The following MAGI1 variants were observed in gnomAD, a reference collection of about 807,000 sequenced individuals.
MAGI1 encodes membrane-associated guanylate kinase, WW and PDZ domain-containing protein 1.
MAGI1 carries 58 observed loss-of-function variants against 139.9 expected under a neutral mutation model. The ratio of observed to expected loss-of-function variants is 0.41; its 90% CI spans 0.34 to 0.52. The LOEUF (loss-of-function observed/expected upper bound fraction) is 0.52, where lower values mean the gene tolerates loss of function less well. Among genes scored for constraint, MAGI1 ranks in the 20% least tolerant of loss-of-function variants. MAGI1 has a pLI of 0.12. For synonymous variants in MAGI1, 812 were observed against 737.9 expected (o/e 1.10, Z -1.63); for missense variants, 1,874 against 1,901.6 (o/e 0.99, Z 0.27).
intron 1 of MAGI1, among the ~76,000 whole-genome samples, chr3:65,745,693 T>C (rs758108901): frequency 3.0e-4 from 45 of 152,220 alleles, no homozygotes; most frequent in Non-Finnish European, 5.1e-4. Context: ...CTTTTTCTCA[T>C]TGCAAGGTGC....
intron 5 of MAGI1, among the ~76,000 whole-genome samples, chr3:65,455,607 C>T (rs145125559): frequency 1.3e-5 from 2 of 151,908 alleles, no homozygotes; most frequent in African/African-American, 2.4e-5. Context: ...TGTGGTGGTG[C>T]GCACCTGTGG....
chr3:65,583,216 T>C (rs540399489), intron 2 of MAGI1, among the ~76,000 whole-genome samples: 19 of 152,310 alleles, frequency 1.2e-4, no homozygotes, highest in African/African-American at 4.6e-4. Context: ...TGAGTCCAGA[T>C]GTCAAGCACC....
At chr3:65,803,331 T>C (rs1024090068) in intron 1 of MAGI1, among the ~76,000 whole-genome samples, 3 of 152,084 alleles carry the variant, frequency 2.0e-5, no homozygotes, top group Non-Finnish European at 4.4e-5. Flanking sequence ...ATATCAAAGG[T>C]TTCTAATTTT....
At chr3:65,848,014 C>A (rs1265722642) in intron 1 of MAGI1, among the ~76,000 whole-genome samples, 1 of 152,164 alleles carries the variant, frequency 6.6e-6, no homozygotes, top group Non-Finnish European at 1.5e-5. Context: ...TTTGGTTGAT[C>A]TTGGATAGCT....
At chr3:65,599,131 A>G (rs1309397850) in intron 2 of MAGI1, among the ~76,000 whole-genome samples, 1 of 152,162 alleles carries the variant, frequency 6.6e-6, no homozygotes, top group Admixed American at 6.5e-5. Context: ...CCAAGAAAAT[A>G]GGGCAAGAGG....
intron 1 of MAGI1, among the ~76,000 whole-genome samples, chr3:65,633,886 T>G (rs1258875150): frequency 6.6e-6 from 1 of 152,176 alleles, no homozygotes; most frequent in African/African-American, 2.4e-5. Context: ...GTCTCTACAT[T>G]CAGAATGCTG....
intron 1 of MAGI1, among the ~76,000 whole-genome samples, chr3:66,003,545 C>T (rs2066864173): frequency 1.3e-5 from 2 of 152,174 alleles, no homozygotes; most frequent in Non-Finnish European, 2.9e-5. Context: ...GCAACCTCCA[C>T]CTCCCAGGTT....
At chr3:65,359,771 C>T in intron 22 of MAGI1, 1 of 985,606 alleles carries the variant, frequency 1.0e-6, no homozygotes, top group South Asian at 4.7e-5. Flanking sequence ...TTATTTTTAG[C>T]CCAAAGAACA....
chr3:65,567,165 T>C (rs750310581), intron 2 of MAGI1, among the ~76,000 whole-genome samples: 3 of 152,106 alleles, frequency 2.0e-5, no homozygotes, highest in Non-Finnish European at 4.4e-5. Context: ...ACCTCTAGTA[T>C]GAGATAGCTA....
At chr3:65,699,794 G>A (rs2089472290) in intron 1 of MAGI1, among the ~76,000 whole-genome samples, 1 of 149,320 alleles carries the variant, frequency 6.7e-6, no homozygotes, top group African/African-American at 2.5e-5. Context: ...GAGTTAGTGG[G>A]TGCAACACAC....
chr3:65,647,838 G>A (rs778065182), intron 1 of MAGI1, among the ~76,000 whole-genome samples: 10 of 152,222 alleles, frequency 6.6e-5, no homozygotes, highest in South Asian at 2.1e-4. Context: ...TACATCTGAC[G>A]TAATAATTCA....
chr3:65,994,035 A>G (rs1390047516), intron 1 of MAGI1, among the ~76,000 whole-genome samples: 4 of 152,148 alleles, frequency 2.6e-5, no homozygotes, highest in Admixed American at 2.6e-4. Context: ...GCACTTTGGG[A>G]GGCAGGGATG....
rs1485631557 is a variant in MAGI1 at position 65,682,816 on chromosome 3, CAG to C, written c.314-60730_314-60729del. ...AAAAAGAACAGTAACAGGCAGAACA[CAG>C]AGGATTTTCAGGGCAGTGAAAATAC... On this transcript the variant is annotated intron_variant, in intron 1 of 22. Coordinates refer to ENST00000402939, the MANE Select transcript of MAGI1 (RefSeq NM_001033057.2). Among the ~76,000 whole-genome samples, 4 of 152,130 alleles carry C rather than the reference CAG, an allele frequency of 2.6e-5. No individual in the cohort carries two copies. The East Asian group carries it at 7.7e-4, about 29-fold the overall frequency.
At chr3:65,516,587 C>T (rs1404244471) in intron 2 of MAGI1, among the ~76,000 whole-genome samples, 2 of 152,144 alleles carry the variant, frequency 1.3e-5, no homozygotes, top group African/African-American at 2.4e-5. Flanking sequence ...AAAGCACTTA[C>T]TACATGTCAG....
chr3:65,846,642 C>A (rs1385955614), intron 1 of MAGI1, among the ~76,000 whole-genome samples: 3 of 152,260 alleles, frequency 2.0e-5, no homozygotes, highest in Non-Finnish European at 2.9e-5. Context: ...AAAATATGTG[C>A]TTTCGCCTTG....
At chr3:65,753,172 T>C (rs2036288643) in intron 1 of MAGI1, among the ~76,000 whole-genome samples, 1 of 152,128 alleles carries the variant, frequency 6.6e-6, no homozygotes, top group East Asian at 1.9e-4. Flanking sequence ...AAGATCTGTA[T>C]ATCCTGAACT....
At chr3:65,537,106 A>T (rs55978894) in intron 2 of MAGI1, among the ~76,000 whole-genome samples, 3,285 of 152,162 alleles carry the variant, frequency 0.022, 77 homozygotes, top group Admixed American at 0.061. Context: ...ATATATCCCA[A>T]CCTACGCTGT....
At chr3:65,923,709 G>T (rs148369315) in intron 1 of MAGI1, among the ~76,000 whole-genome samples, 80 of 152,276 alleles carry the variant, frequency 5.3e-4, no homozygotes, top group African/African-American at 1.9e-3. Context: ...CATTAAGGCT[G>T]CTATGGGAGA....
chr3:65,914,410 C>T (rs574538257), intron 1 of MAGI1, among the ~76,000 whole-genome samples: 1 of 152,284 alleles, frequency 6.6e-6, no homozygotes, highest in South Asian at 2.1e-4. Flanking sequence ...AATTCAAATG[C>T]CATCAGGGGC....
Sources: gnomAD v4.1 joint callset for allele counts (sites outside exome capture counted in the v4.1 genomes callset) on GRCh38, gnomAD v4.1.1 for gene constraint, MANE v1.5 for transcripts, NCBI Gene and HGNC (gene_info 2026-07-23, HGNC 2026-07-21) for gene names.